The following SYNE1 variants were observed in gnomAD, a reference collection of about 807,000 sequenced individuals.
SYNE1 encodes spectrin repeat containing nuclear envelope protein 1, also known as nesprin-1.
Under a neutral mutation model 1,111.0 loss-of-function variants are expected in SYNE1, and 616 were observed. The observed-to-expected ratio is 0.55, with a 90% CI of 0.52 to 0.59. The LOEUF (loss-of-function observed/expected upper bound fraction) is 0.59, where lower values mean the gene tolerates loss of function less well. SYNE1 is among the 20% of genes least tolerant of loss of function. The probability of loss-of-function intolerance (pLI) is 0.00; values close to 1 mark genes in which losing one functional copy is unlikely to be tolerated. For missense variants in SYNE1, 10,006 were observed against 10,417.0 expected (o/e 0.96, Z 1.72); for synonymous variants, 3,855 against 3,825.8 (o/e 1.01, Z -0.28).
intron 3 of SYNE1, among the ~76,000 whole-genome samples, chr6:152,586,046 C>T (rs1032067337): frequency 6.6e-6 from 1 of 152,122 alleles, no homozygotes; most frequent in Non-Finnish European, 1.5e-5. Context: ...TCATCTCTTA[C>T]ATATGTGGGC....
At chr6:152,419,544 C>G (rs762398116) in intron 40 of SYNE1, 25 bp downstream of exon 40, 3 of 1,450,042 alleles carry the variant, frequency 2.1e-6, no homozygotes, top group Admixed American at 1.9e-5. Context: ...CTTCTTCAAT[C>G]TTAAAAAAAA....
chr6:152,380,890 T>C (rs2097400926), intron 56 of SYNE1, 116 bp downstream of exon 56: 1 of 962,884 alleles, frequency 1.0e-6, no homozygotes, highest in Non-Finnish European at 1.7e-6. Flanking sequence ...TAAATACTTC[T>C]TCCAAGTGTG....
intron 6 of SYNE1, among the ~76,000 whole-genome samples, chr6:152,516,793 C>T (rs1490088605): frequency 6.6e-6 from 1 of 151,966 alleles, no homozygotes; most frequent in Non-Finnish European, 1.5e-5. Context: ...ACCATGTTGC[C>T]CAGGCTGATC....
At chr6:152,520,577 A>G in intron 5 of SYNE1, 35 bp from the exon 6 acceptor site, 1 of 1,599,344 alleles carries the variant, frequency 6.3e-7, no homozygotes, top group Non-Finnish European at 8.6e-7. Context: ...GAATGAGACA[A>G]AATCTGCATA....
At chr6:152,185,149 C>T (rs2069461425) in intron 128 of SYNE1, 1 of 152,148 alleles carries the variant, frequency 6.6e-6, no homozygotes, top group Non-Finnish European at 1.5e-5. Flanking sequence ...CACAAATCTA[C>T]AAACCAAAAC....
At chr6:152,393,774 A>G (rs922501100) in intron 51 of SYNE1, among the ~76,000 whole-genome samples, 2 of 152,198 alleles carry the variant, frequency 1.3e-5, no homozygotes, top group African/African-American at 4.8e-5. Flanking sequence ...GTTTGACTAA[A>G]AAGAGGACTC....
At chr6:152,606,945 C>A (rs955378404) in intron 3 of SYNE1, among the ~76,000 whole-genome samples, 1 of 148,700 alleles carries the variant, frequency 6.7e-6, no homozygotes. Flanking sequence ...TGAGCCACCG[C>A]GCCCGGCAAA....
chr6:152,371,825 A>AAGGAC lies in SYNE1; in HGVS notation c.9507+1207_9507+1211dup, dbSNP rs1179484706. The stretch of plus-strand genomic sequence containing the variant: ...AAGGAAAGGATAAGAAAGGACAGGA[A>AAGGAC]AGGACAGGACAGGACAGGACAGGAA... On this transcript the variant is annotated intron_variant, in intron 59 of 145. Coordinates refer to ENST00000367255, the MANE Select transcript of SYNE1 (RefSeq NM_182961.4). Among the ~76,000 whole-genome samples the AAGGAC allele has an allele frequency of 9.0e-3, 854 of 95,346 alleles. 208 individuals carry two copies. Among genetic ancestry groups the AAGGAC allele is most frequent in the East Asian group, 0.039 (127 of 3,264 alleles). 62.6% of individuals were successfully genotyped at this position (95,346 alleles called of 152,430 possible).
At chr6:152,217,672 C>T (rs9397490) in intron 121 of SYNE1, among the ~76,000 whole-genome samples, 31,819 of 151,560 alleles carry the variant, frequency 0.21, 3,990 homozygotes, top group East Asian at 0.55. Context: ...GAAACAGAGA[C>T]GAGAGGTTCA....
chr6:152,183,452 T>C (rs895920065), intron 128 of SYNE1, among the ~76,000 whole-genome samples: 26 of 151,874 alleles, frequency 1.7e-4, no homozygotes, highest in African/African-American at 6.0e-4. Context: ...AAAACAAAAA[T>C]TAGCCAGGCG....
At chr6:152,571,766 GA>G (rs2099460603) in intron 3 of SYNE1, among the ~76,000 whole-genome samples, 1 of 152,132 alleles carries the variant, frequency 6.6e-6, no homozygotes, top group African/African-American at 2.4e-5. Flanking sequence ...CCCTGGCAGA[GA>G]AAAGATTAAC....
chr6:152,581,557 C>T (rs2099519623), intron 3 of SYNE1, among the ~76,000 whole-genome samples: 1 of 152,230 alleles, frequency 6.6e-6, no homozygotes, highest in South Asian at 2.1e-4. Flanking sequence ...CAACTTCCCA[C>T]TGCTCATGGC....
chr6:152,489,050 C>T (rs921481512), intron 11 of SYNE1, among the ~76,000 whole-genome samples: 5 of 152,128 alleles, frequency 3.3e-5, no homozygotes, highest in African/African-American at 1.2e-4. Context: ...GAACATAATA[C>T]CTATTAGAGA....
At chr6:152,316,528 G>T (rs2095727129) in intron 87 of SYNE1, 1 of 362,226 alleles carries the variant, frequency 2.8e-6, no homozygotes, top group Admixed American at 4.3e-5. Context: ...CTCTTCACAG[G>T]AAAGAATTTC....
chr6:152,413,587 T>G, intron 41 of SYNE1, 56 bp from the exon 42 acceptor site: 3 of 1,565,770 alleles, frequency 1.9e-6, no homozygotes, highest in Non-Finnish European at 2.6e-6. Flanking sequence ...AAATGAATAT[T>G]TCTTCTCCGT....
chr6:152,122,837 C>T (rs567536123), intron 145 of SYNE1, among the ~76,000 whole-genome samples, 161 bp from the exon 146 acceptor site: 132 of 152,250 alleles, frequency 8.7e-4, no homozygotes, highest in Admixed American at 2.0e-3. Context: ...TCACCCCCCA[C>T]CATCAAATGA....
chr6:152,534,278 T>G (rs2099222784), intron 4 of SYNE1, among the ~76,000 whole-genome samples: 1 of 152,134 alleles, frequency 6.6e-6, no homozygotes, highest in Non-Finnish European at 1.5e-5. Flanking sequence ...AAATGTTTAT[T>G]AGTCTGCATA....
At chr6:152,523,549 C>T (rs895363914) in intron 5 of SYNE1, among the ~76,000 whole-genome samples, 22 of 152,022 alleles carry the variant, frequency 1.4e-4, no homozygotes, top group Middle Eastern at 3.4e-3. Context: ...TTTTTTGCTT[C>T]CACGTGAATT....
In SYNE1 at chr6:152,621,129, G is replaced by A. The variant is rs183947572; in HGVS notation, c.67+7136C>T. ...CTCATTCCAGAAGGTGCCCCAGAAG[G>A]AGATGAAAGAGTCAGGACATCTTCC... On this transcript the variant is annotated intron_variant, in intron 3 of 145. Coordinates refer to ENST00000367255, the MANE Select transcript of SYNE1 (RefSeq NM_182961.4). 1.4e-4 allele frequency among the ~76,000 whole-genome samples: 21 copies of A among 152,264 alleles called. No individual in the cohort carries two copies. The Middle Eastern group carries it at 0.014, about 99-fold the overall frequency.
Sources: allele counts gnomAD v4.1 joint callset (sites outside exome capture counted in the v4.1 genomes callset), GRCh38; gene constraint gnomAD v4.1.1; transcripts MANE v1.5; gene names NCBI Gene and HGNC (gene_info 2026-07-23, HGNC 2026-07-21).